Variants in PEAK1 observed in about 807,000 individuals in gnomAD.
PEAK1 encodes the protein pseudopodium enriched atypical kinase 1, also known as inactive tyrosine-protein kinase PEAK1.
In PEAK1, 54 loss-of-function variants were observed where a neutral mutation model predicts 124.7. The observed-to-expected ratio is 0.43, with a 90% CI of 0.35 to 0.54. PEAK1 has a LOEUF of 0.54. Ranked by LOEUF, PEAK1 falls within the 20% of genes least tolerant of loss-of-function variation. The pLI is 0.01. For synonymous variants in PEAK1, 719 were observed against 760.0 expected, an observed-to-expected ratio of 0.95 and a Z score of 0.89; for missense variants, 2,046 against 2,134.5, an observed-to-expected ratio of 0.96 and a Z score of 0.82.
At position 77,372,193 on chromosome 15, in the gene PEAK1, G is replaced by A. The variant is rs72744508; in HGVS notation, c.-665-6968C>T. Among the ~76,000 whole-genome samples the A allele has an allele frequency of 2.5e-3, 381 of 152,230 alleles. 3 individuals are homozygous for A. Among genetic ancestry groups the A allele is most frequent in the Non-Finnish European group, 3.2e-3 (220 of 67,996 alleles). ...GAAGATGCATTGCTCCACTGTTGTC[G>A]ATTTGCTATATTTAGTAGGCTCTGA... On this transcript the variant is annotated intron_variant, in intron 1 of 9. Transcript: ENST00000682557.
intron 7 of PEAK1, among the ~76,000 whole-genome samples, chr15:77,165,809 T>C (rs948285540): frequency 6.6e-6 from 1 of 152,152 alleles, no homozygotes; most frequent in Non-Finnish European, 1.5e-5. Flanking sequence ...ATAATTCTCA[T>C]TTTACAGATG....
intron 2 of PEAK1, among the ~76,000 whole-genome samples, chr15:77,330,059 A>C (rs2065808001): frequency 6.6e-6 from 1 of 152,196 alleles, no homozygotes; most frequent in Non-Finnish European, 1.5e-5. Flanking sequence ...ATACTCTGAA[A>C]TCAAGAAAAA....
At chr15:77,235,780 T>C (rs559869510) in intron 6 of PEAK1, among the ~76,000 whole-genome samples, 29 of 152,314 alleles carry the variant, frequency 1.9e-4, no homozygotes, top group African/African-American at 6.0e-4. Flanking sequence ...AATGGTTTTG[T>C]GGGCTGGGCC....
intron 7 of PEAK1, 54 bp downstream of exon 7, chr15:77,178,736 G>A (rs771398470): frequency 6.6e-7 from 1 of 1,520,246 alleles, no homozygotes; most frequent in East Asian, 2.3e-5. Context: ...AAAAAACTTA[G>A]CACCTGAAAA....
chr15:77,172,910 G>A (rs924860603), intron 7 of PEAK1, among the ~76,000 whole-genome samples: 1 of 152,020 alleles, frequency 6.6e-6, no homozygotes, highest in Non-Finnish European at 1.5e-5. Flanking sequence ...ACACCACCAT[G>A]CCCAGCTAAT....
intron 2 of PEAK1, among the ~76,000 whole-genome samples, chr15:77,324,458 G>A (rs1237225914): frequency 6.6e-6 from 1 of 152,154 alleles, no homozygotes; most frequent in Non-Finnish European, 1.5e-5. Flanking sequence ...GACAGAGTGA[G>A]ACTCTGTCCC....
At chr15:77,115,341 C>A in intron 9 of PEAK1, 22 bp from the exon 10 acceptor site, 2 of 1,590,602 alleles carry the variant, frequency 1.3e-6, no homozygotes, top group South Asian at 1.1e-5. Flanking sequence ...TAAAACAATT[C>A]AAAACTCACA....
At chr15:77,160,227 A>C (rs1254644107) in intron 7 of PEAK1, among the ~76,000 whole-genome samples, 1 of 152,212 alleles carries the variant, frequency 6.6e-6, no homozygotes, top group Non-Finnish European at 1.5e-5. Context: ...GACAAAACAA[A>C]GTGACACTTC....
At chr15:77,194,023 A>G (rs925415069) in intron 6 of PEAK1, among the ~76,000 whole-genome samples, 1 of 152,140 alleles carries the variant, frequency 6.6e-6, no homozygotes, top group African/African-American at 2.4e-5. Flanking sequence ...GCTGCCTACT[A>G]GACCTTTCCA....
chr15:77,375,179 C>A (rs1268681442), intron 1 of PEAK1, among the ~76,000 whole-genome samples: 1 of 152,146 alleles, frequency 6.6e-6, no homozygotes, highest in Non-Finnish European at 1.5e-5. Flanking sequence ...TATATACTAT[C>A]CCAGGCAGAA....
chr15:77,173,320 A>C (rs1050824666), intron 7 of PEAK1, among the ~76,000 whole-genome samples: 3 of 152,158 alleles, frequency 2.0e-5, no homozygotes, highest in Non-Finnish European at 4.4e-5. Context: ...AATTTAATTT[A>C]AAAAATTTTA....
intron 2 of PEAK1, among the ~76,000 whole-genome samples, chr15:77,301,770 T>A (rs1394239727): frequency 6.6e-6 from 1 of 152,202 alleles, no homozygotes; most frequent in Admixed American, 6.5e-5. Flanking sequence ...AACAGCCTAA[T>A]GTATGGAGTG....
At chr15:77,263,453 A>C (rs915060489) in intron 5 of PEAK1, among the ~76,000 whole-genome samples, 1 of 152,196 alleles carries the variant, frequency 6.6e-6, no homozygotes, top group Non-Finnish European at 1.5e-5. Flanking sequence ...AATACAAACT[A>C]CCATCAGAGA....
At chr15:77,256,158 G>C (rs976497580) in intron 5 of PEAK1, among the ~76,000 whole-genome samples, 1 of 152,160 alleles carries the variant, frequency 6.6e-6, no homozygotes, top group Non-Finnish European at 1.5e-5. Flanking sequence ...ACATTAATAA[G>C]ATAAGCATAA....
intron 6 of PEAK1, among the ~76,000 whole-genome samples, chr15:77,234,662 G>GA (rs1275495801): frequency 1.3e-5 from 2 of 151,742 alleles, no homozygotes; most frequent in Admixed American, 1.3e-4. Context: ...TGAGATTACA[G>GA]AAAATTTTTT....
chr15:77,222,361 T>C (rs62008416), intron 6 of PEAK1, among the ~76,000 whole-genome samples: 15,133 of 152,094 alleles, frequency 0.099, 835 homozygotes, highest in African/African-American at 0.11. Context: ...GACAAGGATG[T>C]TTGTTATTAA....
At chr15:77,413,000 G>C (rs1053072257) in intron 1 of PEAK1, among the ~76,000 whole-genome samples, 1 of 152,154 alleles carries the variant, frequency 6.6e-6, no homozygotes, top group Non-Finnish European at 1.5e-5. Context: ...CTATGAATTT[G>C]AACTGAGATA....
rs1308633151 is a variant in PEAK1 at position 77,179,795 on chromosome 15, T to C, written c.2132A>G (p.Asn711Ser). The C allele has an allele frequency of 3.1e-6, 5 of 1,614,038 alleles. No homozygotes were observed. The highest frequency in any genetic ancestry group is 1.3e-5 in the African/African-American group (1 of 74,912). ...SVAQKVQEFN[N>S]CLNRGQSSPQ... Reference sequence around the variant, plus strand: ...TGAAGACTGACCTCTGTTGAGACAGTTGTTAAACTCTTGAACCTTCTGAGC... The same window carrying C: ...TGAAGACTGACCTCTGTTGAGACAGCTGTTAAACTCTTGAACCTTCTGAGC... The change falls in exon 7 of 10, where the codon AAC becomes AGC. Residue 711 changes from asparagine (N) to serine (S), a missense_variant. By Grantham distance (46) the Asn-to-Ser change is conservative. Coordinates refer to ENST00000682557, the MANE Select transcript of PEAK1 (RefSeq NM_001385026.1).
chr15:77,348,184 GAAAA>G (rs371641400), intron 2 of PEAK1: 50 of 851,598 alleles, frequency 5.9e-5, no homozygotes, highest in Non-Finnish European at 6.3e-5. Flanking sequence ...CACATGCTAA[GAAAA>G]AAAAAAAAAA....
Sources: gnomAD v4.1 joint callset for allele counts (sites outside exome capture counted in the v4.1 genomes callset) on GRCh38, gnomAD v4.1.1 for gene constraint, MANE v1.5 for transcripts, NCBI Gene and HGNC (gene_info 2026-07-23, HGNC 2026-07-21) for gene names.